Variants in APOL2 observed in about 807,000 individuals in gnomAD.
The protein encoded by APOL2 is apolipoprotein L2.
APOL2 carries 8 observed loss-of-function variants against 7.1 expected under a neutral mutation model. The observed-to-expected ratio is 1.12, with a 90% CI of 0.66 to 2.03. APOL2 has a LOEUF of 2.03. Among genes scored for constraint, APOL2 ranks in the 30% most tolerant of loss-of-function variants. The probability of loss-of-function intolerance (pLI) is 0.00; values close to 1 mark genes in which losing one functional copy is unlikely to be tolerated. For missense variants in APOL2, 471 were observed against 415.1 expected (o/e 1.13, Z -1.17); for synonymous variants, 177 against 159.9 (o/e 1.11, Z -0.81).
chr22:36,233,823 A>G (rs2015312329), intron 1 of APOL2, among the ~76,000 whole-genome samples: 1 of 152,174 alleles, frequency 6.6e-6, no homozygotes, highest in South Asian at 2.1e-4. Context: ...TCCCTTAAAT[A>G]TACAATATTG....
chr22:36,227,328 A>G lies in APOL2; in HGVS notation c.*76T>C, dbSNP rs2015036545. 6.8e-7 allele frequency: 1 copy of G among 1,463,186 alleles called. No individual in the cohort carries two copies. The highest frequency in any genetic ancestry group is 1.4e-5 in the African/African-American group (1 of 70,518). The allele number at this position is 1,463,186 out of a possible 1,614,324, so 90.6% of individuals were successfully genotyped here. On this transcript the variant is annotated 3_prime_UTR_variant, in exon 5 of 5. Coordinates refer to ENST00000358502, the MANE Select transcript of APOL2 (RefSeq NM_030882.4). ...GAGACTCCATCTCAAAAAAAAAAAA[A>G]AAAAAAAAAAAAAGTCTGCATTTTG...
At position 36,227,592 on chromosome 22, in the gene APOL2, C is replaced by G; in HGVS notation, c.826G>C (p.Gly276Arg). ...QAMSRGTMIV[G>R]AATGGILLLL... The stretch of plus-strand genomic sequence containing the variant: ...AGCAAGATGCCTCCAGTGGCTGCAC[C>G]CACGATCATGGTTCCTCTGCTCATT... Residue 276 changes from glycine to arginine, a missense_variant, in exon 5 of 5, where the codon GGT (glycine) becomes CGT (arginine). By Grantham distance (125) the Gly-to-Arg change is moderately radical. Transcript: ENST00000358502. The G allele has an allele frequency of 6.2e-7, 1 of 1,614,250 alleles. No homozygotes were observed.
rs1159298251 is a variant in APOL2, at chr22:36,237,064, C to T, written c.-134+2377G>A. 3 of 1,520,488 alleles carry T rather than the reference C, an allele frequency of 2.0e-6. No individual in the cohort carries two copies. The African/African-American group carries it at 4.2e-5, about 21-fold the overall frequency. 94.2% of individuals were successfully genotyped at this position (1,520,488 alleles called of 1,614,324 possible). The stretch of plus-strand genomic sequence containing the variant: ...AGACAGAGCTGGGGCCTCGGACCTG[C>T]CCAATACTTGTGAGGAGCTGCATCC... On this transcript the variant is annotated intron_variant, in intron 1 of 4. Transcript: ENST00000358502.
Position 36,227,591 on chromosome 22 carries a change from C to T in APOL2, c.827G>A (p.Gly276Asp), listed in dbSNP as rs760618848. Residue 276 changes from glycine to aspartate, a missense_variant, in exon 5 of 5, where the codon GGT (glycine) becomes GAT (aspartate). Transcript: ENST00000358502. ...QAMSRGTMIVGAATGGILLLL... is the reference protein window; with the variant it reads ...QAMSRGTMIVDAATGGILLLL... ...AAGCAAGATGCCTCCAGTGGCTGCA[C>T]CCACGATCATGGTTCCTCTGCTCAT... The T allele has an allele frequency of 6.2e-7, 1 of 1,614,242 alleles. No homozygotes were observed. The highest frequency in any genetic ancestry group is 1.6e-4 in the Middle Eastern group (1 of 6,062).
chr22:36,233,984 G>T (rs1273962006), intron 1 of APOL2, among the ~76,000 whole-genome samples: 1 of 152,152 alleles, frequency 6.6e-6, no homozygotes, highest in Admixed American at 6.5e-5. Flanking sequence ...GTCCCACAAA[G>T]ACCTGGATCC....
chr22:36,226,789 C>G lies in APOL2; in HGVS notation c.*615G>C, dbSNP rs534722110. 1 of 158,236 alleles carries G rather than the reference C, an allele frequency of 6.3e-6. No homozygotes were observed. Among genetic ancestry groups the G allele is most frequent in the Admixed American group, 6.4e-5 (1 of 15,530 alleles). 9.8% of individuals were successfully genotyped at this position (158,236 alleles called of 1,614,324 possible). On this transcript the variant is annotated 3_prime_UTR_variant, in exon 5 of 5. Transcript: ENST00000358502. Reference sequence around the variant, plus strand: ...TTGCTGGTTCCTGCAAGCTCCCCCTCTATTCTTCGCCCAATATATTCTTTA... The same window carrying G: ...TTGCTGGTTCCTGCAAGCTCCCCCTGTATTCTTCGCCCAATATATTCTTTA...
intron 4 of APOL2, 54 bp from the exon 5 acceptor site, chr22:36,228,334 T>C: frequency 6.4e-7 from 1 of 1,553,338 alleles, no homozygotes; most frequent in Non-Finnish European, 8.7e-7. Context: ...ATCTGTGAAA[T>C]GAGCTCCATG....
chr22:36,236,454 A>G, intron 1 of APOL2: 1 of 677,560 alleles, frequency 1.5e-6, no homozygotes, highest in Non-Finnish European at 1.8e-6. Context: ...CAATATTAGG[A>G]AAAGGTGGAG....
At chr22:36,231,999 G>A (rs969793534) in intron 3 of APOL2, among the ~76,000 whole-genome samples, 3 of 152,110 alleles carry the variant, frequency 2.0e-5, no homozygotes, top group Non-Finnish European at 4.4e-5. Flanking sequence ...TTCTCTCAGT[G>A]GAGTCAAAAA....
chr22:36,236,863 AGGGGCATCT>A, intron 1 of APOL2: 6 of 1,244,698 alleles, frequency 4.8e-6, no homozygotes, highest in Non-Finnish European at 6.0e-6. Flanking sequence ...GAGTATGCAG[AGGGGCATCT>A]GGACACTTCT....
Position 36,227,241 on chromosome 22 carries a change from G to C in APOL2, c.*163C>G, listed in dbSNP as rs1569532291. 6.2e-6 allele frequency: 5 copies of C among 806,720 alleles called. No individual in the cohort carries two copies. The highest frequency in any genetic ancestry group is 9.1e-6 in the Non-Finnish European group (5 of 550,312). 50.0% of individuals were successfully genotyped at this position (806,720 alleles called of 1,614,324 possible). A position where few individuals can be genotyped will look rare whatever the true frequency, so the allele number is the denominator to read the frequency against. On this transcript the variant is annotated 3_prime_UTR_variant, in exon 5 of 5. Coordinates refer to ENST00000358502, the MANE Select transcript of APOL2 (RefSeq NM_030882.4). ...TGAGGCCGGAGAATGGTGTGAACCCGGGAGGCGGAGTTTGCAGTGAGCCGA... is the reference window on the plus strand; with the variant it reads ...TGAGGCCGGAGAATGGTGTGAACCCCGGAGGCGGAGTTTGCAGTGAGCCGA...
Position 36,227,701 on chromosome 22 carries a change from A to G in APOL2, c.717T>C (p.Tyr239=), listed in dbSNP as rs199694808. The change falls in exon 5 of 5, where the codon TAT becomes TAC. Residue 239 remains tyrosine, a synonymous_variant. Coordinates refer to ENST00000358502, the MANE Select transcript of APOL2 (RefSeq NM_030882.4). ...RARANPQLGA[Y]APPPHVIGRI... ...GCCCAATGACATGCGGGGGTGGGGC[A>G]TACGCTCCTAACTGAGGGTTGGCTC... The G allele has an allele frequency of 1.4e-5, 23 of 1,614,168 alleles. No individual in the cohort carries two copies. In the African/African-American group the frequency reaches 2.0e-4, roughly 14 times the overall value.
intron 1 of APOL2, among the ~76,000 whole-genome samples, chr22:36,237,705 T>G (rs2015457079): frequency 1.3e-5 from 2 of 152,188 alleles, no homozygotes; most frequent in African/African-American, 4.8e-5. Flanking sequence ...GCCGTGGCAC[T>G]GCACCCTTCT....
chr22:36,238,430 G>A (rs1159673128), intron 1 of APOL2, among the ~76,000 whole-genome samples: 1 of 152,086 alleles, frequency 6.6e-6, no homozygotes, highest in Non-Finnish European at 1.5e-5. Flanking sequence ...AAGTTTTTTA[G>A]AGGGGAAAAA....
At chr22:36,239,398 A>G (rs136144) in intron 1 of APOL2, 43 bp downstream of exon 1, 785,342 of 1,501,550 alleles carry the variant, frequency 0.52, 212,546 homozygotes, top group African/African-American at 0.62. Context: ...GAGCTATTGC[A>G]AGAATAAGGA....
intron 1 of APOL2, chr22:36,236,660 A>G: frequency 6.1e-6 from 6 of 985,248 alleles, no homozygotes; most frequent in Non-Finnish European, 7.2e-6. Flanking sequence ...TGCAGACTTT[A>G]TTTTAACAGC....
At position 36,227,873 on chromosome 22, in the gene APOL2, C is replaced by T. The variant is rs371749974; in HGVS notation, c.545G>A (p.Arg182His). Residue 182 changes from arginine to histidine, a missense_variant, in exon 5 of 5, where the codon CGC (arginine) becomes CAC (histidine). Physicochemically the swap from Arg to His is conservative, Grantham distance 29. Transcript: ENST00000358502. ...ATTGGTGCCGCTTTGGTCCAAGTTG[C>T]GGGCTTGGGCTCGTGCCCGCAATTT... ...VNKLRARAQA[R>H]NLDQSGTNVA... 45 of 1,614,088 alleles carry T rather than the reference C, an allele frequency of 2.8e-5. No individual in the cohort carries two copies. Among genetic ancestry groups the T allele is most frequent in the Non-Finnish European group, 3.3e-5 (39 of 1,180,040 alleles).
In APOL2 at chr22:36,231,387, A is replaced by G; in HGVS notation, c.90T>C (p.Thr30=). The change falls in exon 4 of 5, where the codon ACT becomes ACC. Residue 30 remains threonine (T), a synonymous_variant. Coordinates refer to ENST00000358502, the MANE Select transcript of APOL2 (RefSeq NM_030882.4). ...CGAATCCATTCCAGGCTTCATCATC[A>G]GTCAGCAGTTGTAGCAGATTCTCTC... ...VSRENLLQLL[T]DDEAWNGFVA... 6.2e-7 allele frequency: 1 copy of G among 1,614,210 alleles called. No homozygotes were observed. The highest frequency in any genetic ancestry group is 8.5e-7 in the Non-Finnish European group (1 of 1,179,990).
chr22:36,228,653 G>C (rs2015110214), intron 4 of APOL2, among the ~76,000 whole-genome samples: 1 of 152,144 alleles, frequency 6.6e-6, no homozygotes, highest in Admixed American at 6.5e-5. Flanking sequence ...CTTATTACCA[G>C]GATGGCAGGA....
Sources: allele counts gnomAD v4.1 joint callset (sites outside exome capture counted in the v4.1 genomes callset), GRCh38; gene constraint gnomAD v4.1.1; transcripts MANE v1.5; gene names NCBI Gene and HGNC (gene_info 2026-07-23, HGNC 2026-07-21).